The following PRDM10 variants were observed in gnomAD, a reference collection of about 807,000 sequenced individuals.
PRDM10 encodes PR domain zinc finger protein 10.
A neutral mutation model predicts 133.1 loss-of-function variants in PRDM10; 65 were observed. The ratio of observed to expected loss-of-function variants is 0.49; its 90% CI spans 0.40 to 0.60. The LOEUF is 0.60. Among genes scored for constraint, PRDM10 ranks in the 20% least tolerant of loss-of-function variants. The pLI is 0.00. For synonymous variants in PRDM10, 582 were observed against 580.4 expected, an observed-to-expected ratio of 1.00 and a Z score of -0.04; for missense variants, 1,137 against 1,507.1, an observed-to-expected ratio of 0.75 and a Z score of 4.07.
intron 20 of PRDM10, among the ~76,000 whole-genome samples, chr11:129,905,363 GAAA>G (rs57268294): frequency 1.4e-5 from 1 of 69,440 alleles, no homozygotes; most frequent in Non-Finnish European, 2.8e-5. Context: ...CTCTGTCTCA[GAAA>G]AAAAAAAAAA....
In PRDM10 at chr11:129,902,192, CTG is replaced by C. The variant is rs1302363112; in HGVS notation, c.*119_*120del. 1.0e-5 allele frequency: 14 copies of C among 1,362,246 alleles called. No homozygotes were observed. The African/African-American group carries it at 2.0e-4, about 20-fold the overall frequency. The allele number at this position is 1,362,246 out of a possible 1,614,324, so 84.4% of individuals were successfully genotyped here. ...CCCAGTGTATGGATGAGAGACAAAA[CTG>C]TGGTTTCCGAACTCTTGAGTGAATA... On this transcript the variant is annotated 3_prime_UTR_variant, in exon 21 of 21. Coordinates refer to ENST00000360871, the MANE Select transcript of PRDM10 (RefSeq NM_199437.2).
At chr11:130,000,129 T>C (rs929133150) in intron 1 of PRDM10, among the ~76,000 whole-genome samples, 2 of 151,128 alleles carry the variant, frequency 1.3e-5, no homozygotes, top group African/African-American at 4.9e-5. Flanking sequence ...CTGTAAACTC[T>C]GCCTCCCGGG....
At chr11:129,952,252 C>T (rs1384555065) in intron 4 of PRDM10, among the ~76,000 whole-genome samples, 1 of 152,106 alleles carries the variant, frequency 6.6e-6, no homozygotes, top group Non-Finnish European at 1.5e-5. Flanking sequence ...AAAACTATCC[C>T]TTAATATTAA....
At chr11:129,976,157 C>G (rs192796230) in intron 1 of PRDM10, among the ~76,000 whole-genome samples, 1 of 152,324 alleles carries the variant, frequency 6.6e-6, no homozygotes, top group Non-Finnish European at 1.5e-5. Flanking sequence ...TGCTCCTCTT[C>G]TTCCCCACCC....
chr11:129,932,237 G>T lies in PRDM10; in HGVS notation c.1158-6C>A, dbSNP rs375228302. On this transcript the variant is annotated splice_polypyrimidine_tract_variant and splice_region_variant and intron_variant, in intron 9 of 20. Transcript: ENST00000360871. The stretch of plus-strand genomic sequence containing the variant: ...CCCTTCCTCTGCCTCTTGTTCTGGG[G>T]ACAAGAGATTGGGTTACAGGTCGTC... 2.5e-6 allele frequency: 4 copies of T among 1,613,440 alleles called. No individual in the cohort carries two copies. In the African/African-American group the frequency reaches 5.3e-5, roughly 22 times the overall value.
In PRDM10 at chr11:129,923,701, C is replaced by T. The variant is rs1950593708; in HGVS notation, c.1879-298G>A. Among the ~76,000 whole-genome samples the T allele has an allele frequency of 1.1e-5, 1 of 88,830 alleles. No individual in the cohort carries two copies. Among genetic ancestry groups the T allele is most frequent in the African/African-American group, 5.4e-5 (1 of 18,482 alleles). The allele number at this position is 88,830 out of a possible 152,430, so 58.3% of individuals were successfully genotyped here. A position where few individuals can be genotyped will look rare whatever the true frequency, so the allele number is the denominator to read the frequency against. On this transcript the variant is annotated intron_variant, in intron 12 of 20. Transcript: ENST00000360871. This position sits in a 1 kb window ranked among gnomAD's most constrained non-coding sequence, Gnocchi z 4.4. ...GAGAGAGAGAGAGAGAGAGTGCTTGCTTGGTCAAAGCCCTGATCACTTGAA... is the reference window on the plus strand; with the variant it reads ...GAGAGAGAGAGAGAGAGAGTGCTTGTTTGGTCAAAGCCCTGATCACTTGAA...
intron 4 of PRDM10, among the ~76,000 whole-genome samples, chr11:129,953,899 T>C (rs1164874841): frequency 6.8e-6 from 1 of 146,298 alleles, no homozygotes; most frequent in African/African-American, 2.5e-5. Context: ...TATATCCTAA[T>C]ATATAAAAAT....
At chr11:129,993,978 A>G (rs1031986132) in intron 1 of PRDM10, among the ~76,000 whole-genome samples, 49 of 152,274 alleles carry the variant, frequency 3.2e-4, no homozygotes, top group African/African-American at 1.1e-3. Flanking sequence ...ACAATATTGA[A>G]TCTTCCACTC....
At chr11:129,987,933 G>A (rs749920062) in intron 1 of PRDM10, among the ~76,000 whole-genome samples, 4 of 152,120 alleles carry the variant, frequency 2.6e-5, no homozygotes, top group African/African-American at 7.2e-5. Flanking sequence ...CCCAGGAGGC[G>A]GAGCTTGCAG....
chr11:129,960,870 C>A (rs1951782982), intron 2 of PRDM10, 26 bp downstream of exon 2: 6 of 1,613,474 alleles, frequency 3.7e-6, no homozygotes, highest in Non-Finnish European at 5.1e-6. Flanking sequence ...CCTCTCAATA[C>A]CAAGCTGGAA....
intron 4 of PRDM10, among the ~76,000 whole-genome samples, chr11:129,949,826 C>T (rs546368362): frequency 1.1e-4 from 16 of 151,914 alleles, no homozygotes; most frequent in East Asian, 9.7e-4. Context: ...CCCAGCTACT[C>T]GGGAGCCTGA....
At chr11:129,935,378 T>G (rs2135831447) in intron 8 of PRDM10, among the ~76,000 whole-genome samples, 160 bp from the exon 9 acceptor site, 1 of 152,304 alleles carries the variant, frequency 6.6e-6, no homozygotes, top group South Asian at 2.1e-4. Context: ...AATCAAAAGC[T>G]AAAATTTGGC....
chr11:129,983,776 G>A (rs1938251604), intron 1 of PRDM10, among the ~76,000 whole-genome samples: 2 of 151,224 alleles, frequency 1.3e-5, no homozygotes, highest in South Asian at 4.1e-4. Context: ...TATGGCACTA[G>A]ACTAAACTAT....
intron 1 of PRDM10, among the ~76,000 whole-genome samples, chr11:129,962,213 A>G (rs1951810256): frequency 6.6e-6 from 1 of 152,206 alleles, no homozygotes; most frequent in Non-Finnish European, 1.5e-5. Context: ...TAAGGTAGTC[A>G]GTCTTCCCTT....
Position 129,947,594 on chromosome 11 carries a change from G to T in PRDM10, c.295-224C>A. On this transcript the variant is annotated intron_variant, in intron 4 of 20. Coordinates refer to ENST00000360871, the MANE Select transcript of PRDM10 (RefSeq NM_199437.2). The surrounding 1 kb of genome is among the most constrained non-coding windows in gnomAD (Gnocchi z 4.6). ...GCCTTTAAGCCTCTGCCCTCCCTCTGCCCCTTCTGTCCCACACCTGGGAGG... is the reference window on the plus strand; with the variant it reads ...GCCTTTAAGCCTCTGCCCTCCCTCTTCCCCTTCTGTCCCACACCTGGGAGG... 7.2e-7 allele frequency: 1 copy of T among 1,397,860 alleles called. No individual in the cohort carries two copies. Among genetic ancestry groups the T allele is most frequent in the Non-Finnish European group, 9.4e-7 (1 of 1,068,638 alleles). 86.6% of individuals were successfully genotyped at this position (1,397,860 alleles called of 1,614,324 possible).
chr11:129,975,540 A>G (rs1281117186), intron 1 of PRDM10, among the ~76,000 whole-genome samples: 1 of 152,190 alleles, frequency 6.6e-6, no homozygotes, highest in East Asian at 1.9e-4. Context: ...CCTGGTAGTA[A>G]TGACCATCCC....
intron 1 of PRDM10, among the ~76,000 whole-genome samples, chr11:129,996,183 G>A (rs775530925): frequency 1.3e-5 from 2 of 152,128 alleles, no homozygotes; most frequent in African/African-American, 2.4e-5. Context: ...ACAATACAAC[G>A]TAAGCACTGA....
intron 4 of PRDM10, among the ~76,000 whole-genome samples, chr11:129,954,199 A>G (rs1951649770): frequency 1.3e-5 from 2 of 151,340 alleles, no homozygotes; most frequent in South Asian, 4.1e-4. Flanking sequence ...AGAAGCATAC[A>G]AATCTTCTAC....
intron 1 of PRDM10, among the ~76,000 whole-genome samples, chr11:129,986,590 T>C (rs1181175597): frequency 2.0e-5 from 3 of 152,204 alleles, no homozygotes; most frequent in Non-Finnish European, 4.4e-5. Flanking sequence ...GATTTTGCCA[T>C]GTTGGCCAGG....
Sources: allele counts gnomAD v4.1 joint callset (sites outside exome capture counted in the v4.1 genomes callset), GRCh38; gene constraint gnomAD v4.1.1; non-coding constraint Gnocchi (gnomAD v3.1); transcripts MANE v1.5; gene names NCBI Gene and HGNC (gene_info 2026-07-23, HGNC 2026-07-21).